COL19A1: variants seen among roughly 807,000 people sequenced by gnomAD.
COL19A1 encodes collagen type XIX alpha 1 chain, also known as collagen alpha-1(XIX) chain.
A neutral mutation model predicts 190.2 loss-of-function variants in COL19A1; 159 were observed. The ratio of observed to expected loss-of-function variants is 0.84; its 90% CI spans 0.73 to 0.95. The LOEUF is 0.95. Ranked by LOEUF, COL19A1 falls within the 40% of genes least tolerant of loss-of-function variation. The pLI is 0.00. For synonymous variants in COL19A1, 509 were observed against 458.9 expected, an observed-to-expected ratio of 1.11 and a Z score of -1.39; for missense variants, 1,418 against 1,431.9, an observed-to-expected ratio of 0.99 and a Z score of 0.16.
At chr6:69,979,766 C>A (rs923257382) in intron 11 of COL19A1, among the ~76,000 whole-genome samples, 1 of 151,318 alleles carries the variant, frequency 6.6e-6, no homozygotes, top group Admixed American at 6.6e-5. Context: ...ATTTAAAAAA[C>A]AATAGATTTT....
At chr6:69,974,432 C>T (rs532818906) in intron 11 of COL19A1, among the ~76,000 whole-genome samples, 6 of 152,278 alleles carry the variant, frequency 3.9e-5, no homozygotes, top group African/African-American at 1.4e-4. Context: ...ATTCTGCCTC[C>T]CACTTAAGGT....
In COL19A1 at chr6:69,928,035, A is replaced by G; in HGVS notation, c.390+3A>G. 1 of 1,612,614 alleles carries G rather than the reference A, an allele frequency of 6.2e-7. No individual in the cohort carries two copies. The highest frequency in any genetic ancestry group is 8.5e-7 in the Non-Finnish European group (1 of 1,179,090). On this transcript the variant is annotated splice_donor_region_variant and intron_variant, in intron 5 of 50. Transcript: ENST00000620364. Reference sequence around the variant, plus strand: ...TAAACCAGCAGAATATTCCACAGGTAAAGTACCATTAGAGTTGTGCTCATT... The same window carrying G: ...TAAACCAGCAGAATATTCCACAGGTGAAGTACCATTAGAGTTGTGCTCATT...
At chr6:70,168,597 T>C in intron 39 of COL19A1, 58 bp from the exon 40 acceptor site, 1 of 1,577,898 alleles carries the variant, frequency 6.3e-7, no homozygotes, top group Non-Finnish European at 8.7e-7. Flanking sequence ...CAGTGTTTCT[T>C]ATTCTGTAAC....
At chr6:70,124,814 G>A (rs184531605) in intron 17 of COL19A1, among the ~76,000 whole-genome samples, 86 of 152,270 alleles carry the variant, frequency 5.6e-4, no homozygotes, top group African/African-American at 1.9e-3. Flanking sequence ...TAGCATTAGA[G>A]GCTTTAGATC....
At chr6:70,017,690 A>G (rs942930328) in intron 11 of COL19A1, among the ~76,000 whole-genome samples, 2 of 152,130 alleles carry the variant, frequency 1.3e-5, no homozygotes, top group African/African-American at 4.8e-5. Flanking sequence ...AAAAATGAAA[A>G]TGAGTAAATG....
chr6:69,924,987 C>T (rs1772259612), intron 4 of COL19A1, among the ~76,000 whole-genome samples: 1 of 152,046 alleles, frequency 6.6e-6, no homozygotes, highest in Non-Finnish European at 1.5e-5. Context: ...GGATATTAGC[C>T]CTTTGTTAGA....
chr6:70,083,732 A>G (rs1050159253), intron 15 of COL19A1, among the ~76,000 whole-genome samples: 3 of 152,224 alleles, frequency 2.0e-5, no homozygotes, highest in African/African-American at 7.2e-5. Context: ...AGCAAAATAT[A>G]CAATGAATTC....
At chr6:70,179,874 C>CTTTATTTA (rs757767473) in intron 42 of COL19A1, among the ~76,000 whole-genome samples, 5 of 151,936 alleles carry the variant, frequency 3.3e-5, no homozygotes, top group African/African-American at 9.6e-5. Context: ...AGAAATGCCA[C>CTTTATTTA]TTTATTTATT....
At chr6:69,954,771 T>A (rs1774315983) in intron 9 of COL19A1, among the ~76,000 whole-genome samples, 1 of 152,044 alleles carries the variant, frequency 6.6e-6, no homozygotes, top group Non-Finnish European at 1.5e-5. Flanking sequence ...TTAGGGTGTG[T>A]TCCTTCTCCA....
At chr6:70,093,817 C>T (rs1489867421) in intron 15 of COL19A1, among the ~76,000 whole-genome samples, 5 of 152,106 alleles carry the variant, frequency 3.3e-5, no homozygotes, top group Admixed American at 6.5e-5. Context: ...GATGTCACAA[C>T]TTCTAACTTG....
chr6:69,928,676 C>A (rs958848618), intron 5 of COL19A1, among the ~76,000 whole-genome samples: 1 of 151,926 alleles, frequency 6.6e-6, no homozygotes, highest in African/African-American at 2.4e-5. Flanking sequence ...GGCAGCTCAT[C>A]GGAATTGGGG....
At chr6:70,023,760 T>A (rs1778580015) in intron 12 of COL19A1, 80 bp downstream of exon 12, 2 of 1,356,228 alleles carry the variant, frequency 1.5e-6, no homozygotes, top group Admixed American at 2.3e-5. Flanking sequence ...AAGATTTGCC[T>A]ATTTTTGGCA....
intron 39 of COL19A1, 93 bp downstream of exon 39, chr6:70,168,308 C>A: frequency 1.5e-6 from 2 of 1,362,794 alleles, no homozygotes; most frequent in Non-Finnish European, 2.0e-6. Flanking sequence ...CTGAAAAACG[C>A]ATGTTATGAA....
chr6:70,105,828 T>A (rs1272292526), intron 16 of COL19A1, among the ~76,000 whole-genome samples: 1 of 152,154 alleles, frequency 6.6e-6, no homozygotes, highest in African/African-American at 2.4e-5. Flanking sequence ...TTTTAAAAAA[T>A]TTTAATTTTG....
intron 48 of COL19A1, among the ~76,000 whole-genome samples, chr6:70,191,327 G>A (rs1351253595): frequency 6.6e-6 from 1 of 152,188 alleles, no homozygotes; most frequent in Non-Finnish European, 1.5e-5. Context: ...GAATCTAAGT[G>A]TGTGATCTTA....
Position 70,031,071 on chromosome 6 carries a change from A to G in COL19A1, c.1081-3174A>G, listed in dbSNP as rs538761754. ...TCCCATTGCATGTAGAACAAAACCC[A>G]TCTTCCTCATCATGGCCTGCAATTA... On this transcript the variant is annotated intron_variant, in intron 12 of 50. Coordinates refer to ENST00000620364, the MANE Select transcript of COL19A1 (RefSeq NM_001858.6). 2.0e-5 allele frequency among the ~76,000 whole-genome samples: 3 copies of G among 152,188 alleles called. No homozygotes were observed. The East Asian group carries it at 5.8e-4, about 29-fold the overall frequency.
intron 49 of COL19A1, among the ~76,000 whole-genome samples, chr6:70,204,182 A>G (rs923526262): frequency 1.3e-4 from 20 of 152,308 alleles, no homozygotes; most frequent in African/African-American, 3.8e-4. Context: ...CTTATCGTAT[A>G]TGGAAATACA....
At chr6:70,057,867 C>T (rs1260831766) in intron 14 of COL19A1, among the ~76,000 whole-genome samples, 2 of 152,140 alleles carry the variant, frequency 1.3e-5, no homozygotes, top group East Asian at 3.9e-4. Flanking sequence ...AAGAGAAATG[C>T]AAAGAATCAG....
At chr6:70,059,139 A>G (rs1294527382) in intron 14 of COL19A1, among the ~76,000 whole-genome samples, 2 of 152,150 alleles carry the variant, frequency 1.3e-5, no homozygotes, top group Non-Finnish European at 2.9e-5. Flanking sequence ...ATTCTAGTTA[A>G]TCTTATGTTT....
Sources: gnomAD v4.1 joint callset for allele counts (sites outside exome capture counted in the v4.1 genomes callset) on GRCh38, gnomAD v4.1.1 for gene constraint, MANE v1.5 for transcripts, NCBI Gene and HGNC (gene_info 2026-07-23, HGNC 2026-07-21) for gene names.